GUCY2C: variants seen among roughly 807,000 people sequenced by gnomAD.
GUCY2C encodes the protein guanylyl cyclase C.
A neutral mutation model predicts 131.1 loss-of-function variants in GUCY2C; 118 were observed. That is an observed-to-expected ratio of 0.90 (90% CI 0.78 to 1.05). GUCY2C has a LOEUF of 1.05. GUCY2C is among the 50% of genes least tolerant of loss of function. The probability of loss-of-function intolerance (pLI) is 0.00; values close to 1 mark genes in which losing one functional copy is unlikely to be tolerated. For missense variants in GUCY2C, 1,161 were observed against 1,304.4 expected (o/e 0.89, Z 1.69); for synonymous variants, 452 against 457.8 (o/e 0.99, Z 0.16).
At chr12:14,655,422 C>T (rs980772122) in intron 12 of GUCY2C, among the ~76,000 whole-genome samples, 5 of 152,070 alleles carry the variant, frequency 3.3e-5, no homozygotes, top group African/African-American at 1.2e-4. Flanking sequence ...TGGAGCATGT[C>T]ATATTTCTGA....
chr12:14,688,080 A>G lies in GUCY2C; in HGVS notation c.218-17T>C, dbSNP rs577891695. The G allele has an allele frequency of 1.2e-4, 176 of 1,438,350 alleles. 3 individuals carry two copies. The South Asian group carries it at 1.9e-3, about 16-fold the overall frequency. The allele number at this position is 1,438,350 out of a possible 1,614,324, so 89.1% of individuals were successfully genotyped here. A position where few individuals can be genotyped will look rare whatever the true frequency, so the allele number is the denominator to read the frequency against. Reference sequence around the variant, plus strand: ...CATTTAGGCCTGTCGCCCAGAGATGAGGGAAAATAGAACACTAGTGTTATT... The same window carrying G: ...CATTTAGGCCTGTCGCCCAGAGATGGGGGAAAATAGAACACTAGTGTTATT... On this transcript the variant is annotated splice_polypyrimidine_tract_variant and intron_variant, in intron 1 of 26. Coordinates refer to ENST00000261170, the MANE Select transcript of GUCY2C (RefSeq NM_004963.4).
chr12:14,622,224 C>A, intron 21 of GUCY2C, 27 bp from the exon 22 acceptor site: 1 of 1,410,792 alleles, frequency 7.1e-7, no homozygotes, highest in Admixed American at 2.8e-5. Context: ...AAAAAAAATG[C>A]CTTCAACTTC....
At chr12:14,625,452 C>T (rs996809529) in intron 21 of GUCY2C, among the ~76,000 whole-genome samples, 3 of 151,756 alleles carry the variant, frequency 2.0e-5, no homozygotes, top group Admixed American at 6.6e-5. Context: ...CTCAGCCTCC[C>T]GAGTAGCTGG....
intron 10 of GUCY2C, among the ~76,000 whole-genome samples, chr12:14,664,985 G>C (rs940283819): frequency 6.6e-6 from 1 of 152,034 alleles, no homozygotes; most frequent in Non-Finnish European, 1.5e-5. Context: ...AAGCCAAGGC[G>C]GGTGGATCAC....
rs1221926637 is a variant in GUCY2C, at chr12:14,635,721, GA to G, written c.2157+4140del. 2.0e-5 allele frequency among the ~76,000 whole-genome samples: 3 copies of G among 151,670 alleles called. No individual in the cohort carries two copies. In the East Asian group the frequency reaches 5.8e-4, roughly 29 times the overall value. On this transcript the variant is annotated intron_variant, in intron 19 of 26. Transcript: ENST00000261170. ...ATAAACCATTAGCTAGACTAACCAA[GA>G]AAAAAATGAGAGAAGATCCAAATAA... is the stretch of plus-strand genomic sequence containing the variant.
rs11056072 is a variant in GUCY2C at position 14,639,171 on chromosome 12, G to A, written c.2157+691C>T. 5.7e-4 allele frequency among the ~76,000 whole-genome samples: 86 copies of A among 151,894 alleles called. 1 individual carries two copies. In the East Asian group the frequency reaches 0.014, roughly 25 times the overall value. On this transcript the variant is annotated intron_variant, in intron 19 of 26. Transcript: ENST00000261170. Reference sequence around the variant, plus strand: ...AAATTAGCTGGGTGTGGTGGCAGGCGCCTGTAGTCCCAGCTACTCAGGAGG... The same window carrying A: ...AAATTAGCTGGGTGTGGTGGCAGGCACCTGTAGTCCCAGCTACTCAGGAGG...
intron 25 of GUCY2C, 114 bp downstream of exon 25, chr12:14,616,519 G>A (rs1946765588): frequency 7.0e-6 from 5 of 715,032 alleles, no homozygotes; most frequent in South Asian, 3.1e-5. Flanking sequence ...GGTGCTCATC[G>A]TGATGAGTAC....
At chr12:14,647,600 C>T (rs889499577) in intron 15 of GUCY2C, among the ~76,000 whole-genome samples, 3 of 152,156 alleles carry the variant, frequency 2.0e-5, no homozygotes, top group Admixed American at 2.0e-4. Flanking sequence ...ACAATCAGCT[C>T]TGAGCTAGTA....
At chr12:14,630,689 G>T (rs74070227) in intron 19 of GUCY2C, among the ~76,000 whole-genome samples, 1 of 152,106 alleles carries the variant, frequency 6.6e-6, no homozygotes, top group Non-Finnish European at 1.5e-5. Context: ...ATCCACAGGG[G>T]TTCCTGGGAC....
In GUCY2C at chr12:14,696,545, G is replaced by T. The variant is rs1948658510; in HGVS notation, c.-97C>A. 3 of 870,974 alleles carry T rather than the reference G, an allele frequency of 3.4e-6. No homozygotes were observed. The highest frequency in any genetic ancestry group is 5.5e-6 in the Non-Finnish European group (3 of 541,966). 54.0% of individuals were successfully genotyped at this position (870,974 alleles called of 1,614,324 possible). On this transcript the variant is annotated 5_prime_UTR_variant, in exon 1 of 27. Transcript: ENST00000261170. ...GGAATCCAGATGGACAGCCTCTAGT[G>T]GAGTCCCTCAGCCCACTCTTCCCCA... is the stretch of plus-strand genomic sequence containing the variant.
chr12:14,645,164 A>G (rs988122869), intron 16 of GUCY2C, 65 bp downstream of exon 16: 5 of 870,164 alleles, frequency 5.7e-6, no homozygotes, highest in Non-Finnish European at 9.4e-6. Flanking sequence ...AGAAGGTTGA[A>G]TAACTTGTTA....
chr12:14,684,328 C>T (rs1321083304), intron 3 of GUCY2C, among the ~76,000 whole-genome samples: 2 of 151,844 alleles, frequency 1.3e-5, no homozygotes, highest in African/African-American at 2.4e-5. Context: ...TTTACATGTA[C>T]TTCTCTCCCT....
At position 14,686,231 on chromosome 12, in the gene GUCY2C, G is replaced by C. The variant is rs377442854; in HGVS notation, c.331-6C>G. On this transcript the variant is annotated splice_region_variant and splice_polypyrimidine_tract_variant and intron_variant, in intron 2 of 26. Transcript: ENST00000261170. ...CAGCCCATCCGTTGTGCATTCTGTA[G>C]GAGAGAAAACAACAATGAATTCCTA... The C allele has an allele frequency of 7.5e-6, 12 of 1,596,038 alleles. No individual in the cohort carries two copies. The highest frequency in any genetic ancestry group is 1.0e-5 in the Non-Finnish European group (12 of 1,163,754).
At position 14,612,861 on chromosome 12, in the gene GUCY2C, A is replaced by C. The variant is rs1041839718; in HGVS notation, c.*256T>G. On this transcript the variant is annotated 3_prime_UTR_variant, in exon 27 of 27. Transcript: ENST00000261170. ...TTCTCAAGTTCTAGATAGTCTATTC[A>C]TTTCTTTTCTTTTCCAGGTAGAAGC... The C allele has an allele frequency of 1.3e-5, 5 of 395,210 alleles. No individual in the cohort carries two copies. Among genetic ancestry groups the C allele is most frequent in the Non-Finnish European group, 1.8e-5 (4 of 220,518 alleles). 24.5% of individuals were successfully genotyped at this position (395,210 alleles called of 1,614,324 possible).
intron 9 of GUCY2C, 103 bp downstream of exon 9, chr12:14,672,770 T>C (rs1948141235): frequency 5.5e-6 from 4 of 721,458 alleles, no homozygotes; most frequent in South Asian, 4.8e-5. Context: ...CTTCAGATCC[T>C]AAACATAATT....
chr12:14,643,595 A>T lies in GUCY2C; in HGVS notation c.1909T>A (p.Ser637Thr). The T allele has an allele frequency of 6.2e-7, 1 of 1,613,912 alleles. No individual in the cohort carries two copies. The highest frequency in any genetic ancestry group is 1.1e-5 in the South Asian group (1 of 91,072). ...VVKITDFGCN[S>T]ILPPKKDLWT... ...AGACCCTTTTTTGGAGGTAAAATGG[A>T]ATTGCAGCCAAAATCAGTGATCTTC... is the stretch of plus-strand genomic sequence containing the variant. Residue 637 changes from serine (S) to threonine (T), a missense_variant, in exon 17 of 27, where the codon TCC becomes ACC. Transcript: ENST00000261170.
chr12:14,647,951 T>C (rs1361442092), intron 15 of GUCY2C, among the ~76,000 whole-genome samples: 46 of 2,630 alleles, frequency 0.017, no homozygotes, highest in African/African-American at 0.018. Flanking sequence ...TTTTTACTTA[T>C]TTATTTATTT....
At chr12:14,681,200 G>T (rs1948340395) in intron 5 of GUCY2C, among the ~76,000 whole-genome samples, 156 bp downstream of exon 5, 1 of 152,136 alleles carries the variant, frequency 6.6e-6, no homozygotes, top group Non-Finnish European at 1.5e-5. Flanking sequence ...ACAATATAAT[G>T]AAGTTGCATG....
intron 6 of GUCY2C, among the ~76,000 whole-genome samples, chr12:14,678,342 T>A (rs936300927): frequency 1.3e-5 from 2 of 152,238 alleles, no homozygotes; most frequent in African/African-American, 4.8e-5. Flanking sequence ...TCTCATTAGC[T>A]TTCCAAAACA....
Sources: allele counts gnomAD v4.1 joint callset (sites outside exome capture counted in the v4.1 genomes callset), GRCh38; gene constraint gnomAD v4.1.1; transcripts MANE v1.5; gene names NCBI Gene and HGNC (gene_info 2026-07-23, HGNC 2026-07-21).